Variants in C9orf40 observed in about 807,000 individuals in gnomAD.
C9orf40 encodes the protein uncharacterized protein C9orf40.
Under a neutral mutation model 7.9 loss-of-function variants are expected in C9orf40, and 2 were observed. The observed-to-expected ratio is 0.25, with a 90% CI of 0.10 to 0.80. C9orf40 has a LOEUF of 0.80. Among genes scored for constraint, C9orf40 ranks in the 30% least tolerant of loss-of-function variants. The pLI, the probability that C9orf40 is intolerant of heterozygous loss-of-function variation, is 0.68. For synonymous variants in C9orf40, 113 were observed against 117.6 expected (o/e 0.96, Z 0.25); for missense variants, 256 against 268.5 (o/e 0.95, Z 0.33).
At position 74,952,168 on chromosome 9, in the gene C9orf40, C is replaced by T; in HGVS notation, c.426+18G>A. 2 of 432,868 alleles carry T rather than the reference C, an allele frequency of 4.6e-6. No homozygotes were observed. Among genetic ancestry groups the T allele is most frequent in the Non-Finnish European group, 3.7e-6 (1 of 271,396 alleles). The allele number at this position is 432,868 out of a possible 1,614,324, so 26.8% of individuals were successfully genotyped here. ...GCAAGCCCCTTCGCCCCTCAGCCCA[C>T]CCGCCCCCAGCCCCTACCTGGCGCG... On this transcript the variant is annotated intron_variant, in intron 1 of 1. Coordinates refer to ENST00000376854, the MANE Select transcript of C9orf40 (RefSeq NM_017998.3). This position sits in a 1 kb window ranked among gnomAD's most constrained non-coding sequence, Gnocchi z 5.4.
Position 74,952,163 on chromosome 9 carries a change from G to GGCCCCCCCCCCCCCCCCCCCAA in C9orf40, c.426+22_426+23insTTGGGGGGGGGGGGGGGGGGGC. 1.1e-5 allele frequency: 4 copies of GGCCCCCCCCCCCCCCCCCCCAA among 351,746 alleles called. No individual in the cohort carries two copies. Among genetic ancestry groups the GGCCCCCCCCCCCCCCCCCCCAA allele is most frequent in the Non-Finnish European group, 9.4e-6 (2 of 211,700 alleles). 21.8% of individuals were successfully genotyped at this position (351,746 alleles called of 1,614,324 possible). A position where few individuals can be genotyped will look rare whatever the true frequency, so the allele number is the denominator to read the frequency against. On this transcript the variant is annotated intron_variant, in intron 1 of 1. Transcript: ENST00000376854. This position sits in a 1 kb window ranked among gnomAD's most constrained non-coding sequence, Gnocchi z 5.4. ...AAAAGGCAAGCCCCTTCGCCCCTCA[G>GGCCCCCCCCCCCCCCCCCCCAA]CCCACCCGCCCCCAGCCCCTACCTG...
At position 74,952,121 on chromosome 9, in the gene C9orf40, G is replaced by T; in HGVS notation, c.426+65C>A. 1.7e-6 allele frequency: 1 copy of T among 589,288 alleles called. No individual in the cohort carries two copies. Among genetic ancestry groups the T allele is most frequent in the Non-Finnish European group, 2.5e-6 (1 of 393,112 alleles). The allele number at this position is 589,288 out of a possible 1,614,324, so 36.5% of individuals were successfully genotyped here. ...ACAAGTCATGAGTGGGAACCGGGGC[G>T]TTTTGTGTGTGTGGGGAAAAGGCAA... is the stretch of plus-strand genomic sequence containing the variant. On this transcript the variant is annotated intron_variant, in intron 1 of 1. Coordinates refer to ENST00000376854, the MANE Select transcript of C9orf40 (RefSeq NM_017998.3). The surrounding 1 kb of genome is among the most constrained non-coding windows in gnomAD (Gnocchi z 5.4).
In C9orf40 at chr9:74,952,637, G is replaced by A. The variant is rs749005693; in HGVS notation, c.-26C>T. The A allele has an allele frequency of 3.2e-5, 49 of 1,521,438 alleles. No homozygotes were observed. The African/African-American group carries it at 6.3e-4, about 20-fold the overall frequency. The allele number at this position is 1,521,438 out of a possible 1,614,324, so 94.2% of individuals were successfully genotyped here. On this transcript the variant is annotated 5_prime_UTR_variant, in exon 1 of 2. Transcript: ENST00000376854. The surrounding 1 kb of genome is among the most constrained non-coding windows in gnomAD (Gnocchi z 5.4). ...GGGCCCAGAGGCTCGGGCGGAGCCC[G>A]CCAGGCGCGGGAGACCGAGTGCCGA...
rs760117382 is a variant in C9orf40, at chr9:74,952,908, ACT to A, written c.-299_-298del. ...ACCTGCGCACAACGTGCGCGCGCGC[ACT>A]CTGTCTGGCCAGGCGGAGCCGCTGG... On this transcript the variant is annotated 5_prime_UTR_variant, in exon 1 of 2. Coordinates refer to ENST00000376854, the MANE Select transcript of C9orf40 (RefSeq NM_017998.3). The surrounding 1 kb of genome is among the most constrained non-coding windows in gnomAD (Gnocchi z 5.4). The A allele has an allele frequency of 2.7e-6, 1 of 372,694 alleles. No individual in the cohort carries two copies. Among genetic ancestry groups the A allele is most frequent in the East Asian group, 4.3e-5 (1 of 23,220 alleles). The allele number at this position is 372,694 out of a possible 1,614,324, so 23.1% of individuals were successfully genotyped here. A position where few individuals can be genotyped will look rare whatever the true frequency, so the allele number is the denominator to read the frequency against.
chr9:74,952,387 G>C lies in C9orf40; in HGVS notation c.225C>G (p.Asp75Glu). ...CGCTCGGGGCGCTGTTGTCCCCGCT[G>C]TCACGGCGCTTGCTGGGCGAAGCCG... is the stretch of plus-strand genomic sequence containing the variant. Reference protein sequence around the residue: ...EPSASPSKRRDSGDNSAPSGQ... With the variant: ...EPSASPSKRRESGDNSAPSGQ... Residue 75 changes from aspartate to glutamate, a missense_variant, in exon 1 of 2, where the codon GAC becomes GAG. Asp to Glu is a conservative substitution (Grantham distance 45, BLOSUM62 2). Transcript: ENST00000376854. The surrounding 1 kb of genome is among the most constrained non-coding windows in gnomAD (Gnocchi z 5.4). 1 of 1,576,438 alleles carries C rather than the reference G, an allele frequency of 6.3e-7. No individual in the cohort carries two copies. The highest frequency in any genetic ancestry group is 8.6e-7 in the Non-Finnish European group (1 of 1,169,234).
intron 1 of C9orf40, 31 bp from the exon 2 acceptor site, chr9:74,948,237 T>C (rs148341524): frequency 1.3e-6 from 2 of 1,511,046 alleles, no homozygotes; most frequent in South Asian, 1.3e-5. Flanking sequence ...TCAAAGAGCA[T>C]CAATAGCTTA....
At chr9:74,950,122 T>TA (rs1446809533) in intron 1 of C9orf40, among the ~76,000 whole-genome samples, 1 of 152,116 alleles carries the variant, frequency 6.6e-6, no homozygotes, top group Non-Finnish European at 1.5e-5. Flanking sequence ...GACCCTTTTT[T>TA]AAAAAACAAC....
Position 74,948,325 on chromosome 9 carries a change from G to A in C9orf40, c.427-119C>T, listed in dbSNP as rs189321561. On this transcript the variant is annotated intron_variant, in intron 1 of 1. Transcript: ENST00000376854. ...ATAAGATTTTGTAATCTTCTATTTTGTATTTTTAACAAATATACATTTTAA... is the reference window on the plus strand; with the variant it reads ...ATAAGATTTTGTAATCTTCTATTTTATATTTTTAACAAATATACATTTTAA... 5.4e-4 allele frequency: 329 copies of A among 604,044 alleles called. 3 individuals carry two copies. The East Asian group carries it at 9.1e-3, about 17-fold the overall frequency. The allele number at this position is 604,044 out of a possible 1,614,324, so 37.4% of individuals were successfully genotyped here.
intron 1 of C9orf40, among the ~76,000 whole-genome samples, chr9:74,949,200 ACT>A (rs967335157): frequency 5.3e-5 from 8 of 152,186 alleles, no homozygotes; most frequent in Admixed American, 2.0e-4. Flanking sequence ...ATCATTAATC[ACT>A]GTCTCCTTAG....
At chr9:74,950,962 G>A (rs2118679614) in intron 1 of C9orf40, among the ~76,000 whole-genome samples, 2 of 152,120 alleles carry the variant, frequency 1.3e-5, no homozygotes, top group East Asian at 3.9e-4. Context: ...AGAAACTTCT[G>A]GTATTAATTT....
rs918033784 is a variant in C9orf40 at position 74,947,338 on chromosome 9, A to C, written c.*710T>G. On this transcript the variant is annotated 3_prime_UTR_variant, in exon 2 of 2. Coordinates refer to ENST00000376854, the MANE Select transcript of C9orf40 (RefSeq NM_017998.3). ...AAACCATGCCTCGAAGCAATTCAAA[A>C]CCAAGAAGCTGATTATACAATAAAT... is the stretch of plus-strand genomic sequence containing the variant. 1 of 152,642 alleles carries C rather than the reference A, an allele frequency of 6.6e-6. No homozygotes were observed. The highest frequency in any genetic ancestry group is 2.4e-5 in the African/African-American group (1 of 41,438). The allele number at this position is 152,642 out of a possible 1,614,324, so 9.5% of individuals were successfully genotyped here.
At position 74,952,870 on chromosome 9, in the gene C9orf40, G is replaced by T. The variant is rs146530278; in HGVS notation, c.-259C>A. ...GGACGTTGAGAAGCAACCGCGAAGC[G>T]GCGGAGATTCGAACCTGCGCACAAC... On this transcript the variant is annotated 5_prime_UTR_variant, in exon 1 of 2. Transcript: ENST00000376854. This position sits in a 1 kb window ranked among gnomAD's most constrained non-coding sequence, Gnocchi z 5.4. 3.7e-3 allele frequency: 1,708 copies of T among 463,412 alleles called. 17 individuals carry two copies. Among genetic ancestry groups the T allele is most frequent in the African/African-American group, 0.03 (1,467 of 48,800 alleles). 28.7% of individuals were successfully genotyped at this position (463,412 alleles called of 1,614,324 possible). A position where few individuals can be genotyped will look rare whatever the true frequency, so the allele number is the denominator to read the frequency against.
In C9orf40 at chr9:74,952,379, T is replaced by TC; in HGVS notation, c.232dup (p.Asp78GlyfsTer11). 6.4e-7 allele frequency: 1 copy of TC among 1,571,298 alleles called. No homozygotes were observed. Among genetic ancestry groups the TC allele is most frequent in the Non-Finnish European group, 8.6e-7 (1 of 1,167,078 alleles). ...CTCCTGGCCGCTCGGGGCGCTGTTG[T>TC]CCCCGCTGTCACGGCGCTTGCTGGG... On this transcript the variant is annotated frameshift_variant, in exon 1 of 2. Coordinates refer to ENST00000376854, the MANE Select transcript of C9orf40 (RefSeq NM_017998.3). LOFTEE classifies it high-confidence loss of function. This position sits in a 1 kb window ranked among gnomAD's most constrained non-coding sequence, Gnocchi z 5.4.
Position 74,952,556 on chromosome 9 carries a change from A to T in C9orf40, c.56T>A (p.Leu19His). 6.3e-7 allele frequency: 1 copy of T among 1,587,822 alleles called. No homozygotes were observed. Among genetic ancestry groups the T allele is most frequent in the Non-Finnish European group, 8.5e-7 (1 of 1,176,128 alleles). The change falls in exon 1 of 2, where the codon CTC becomes CAC. Residue 19 changes from leucine (L) to histidine (H), a missense_variant. Transcript: ENST00000376854. This position sits in a 1 kb window ranked among gnomAD's most constrained non-coding sequence, Gnocchi z 5.4. Reference protein sequence around the residue: ...PVTFHVPWKRLLLCDFAEQPP... With the variant: ...PVTFHVPWKRHLLCDFAEQPP... ...CTGCTCAGCGAAGTCGCAAAGCAGG[A>T]GCCGCTTCCAAGGCACGTGGAACGT...
intron 1 of C9orf40, among the ~76,000 whole-genome samples, chr9:74,951,129 C>G (rs1472608572): frequency 6.6e-6 from 1 of 152,006 alleles, no homozygotes; most frequent in African/African-American, 2.4e-5. Flanking sequence ...GTGTTCTTAC[C>G]GGCTAGCGGC....
chr9:74,952,439 AT>A lies in C9orf40; in HGVS notation c.172del (p.Ile58SerfsTer114). On this transcript the variant is annotated frameshift_variant, in exon 1 of 2. Transcript: ENST00000376854. LOFTEE classifies it high-confidence loss of function. This position sits in a 1 kb window ranked among gnomAD's most constrained non-coding sequence, Gnocchi z 5.4. The part of the protein sequence containing the change: ...GVPEQHRKRK[I>X]DAGTMAEPSA... ...GGGCTCTGCCATGGTCCCTGCGTCG[AT>A]TTTGCGCTTTCGGTGCTGCTCTGGG... 3 of 1,600,500 alleles carry A rather than the reference AT, an allele frequency of 1.9e-6. No homozygotes were observed.
chr9:74,948,223 G>A lies in C9orf40; in HGVS notation c.427-17C>T, dbSNP rs963442179. On this transcript the variant is annotated splice_polypyrimidine_tract_variant and intron_variant, in intron 1 of 1. Coordinates refer to ENST00000376854, the MANE Select transcript of C9orf40 (RefSeq NM_017998.3). ...TTCATTGTGCTTTAGAGAAAAAAGAGAGATCAAAGAGCATCAATAGCTTAG... is the reference window on the plus strand; with the variant it reads ...TTCATTGTGCTTTAGAGAAAAAAGAAAGATCAAAGAGCATCAATAGCTTAG... The A allele has an allele frequency of 1.3e-6, 2 of 1,567,934 alleles. No individual in the cohort carries two copies. The highest frequency in any genetic ancestry group is 2.7e-5 in the African/African-American group (2 of 73,152).
intron 1 of C9orf40, among the ~76,000 whole-genome samples, chr9:74,949,526 C>T (rs1832275594): frequency 6.6e-6 from 1 of 152,118 alleles, no homozygotes; most frequent in African/African-American, 2.4e-5. Context: ...CCTGAAGTTC[C>T]GGGACAGAAA....
intron 1 of C9orf40, among the ~76,000 whole-genome samples, chr9:74,950,547 G>A (rs1408160238): frequency 6.7e-6 from 1 of 149,536 alleles, no homozygotes; most frequent in Non-Finnish European, 1.5e-5. Flanking sequence ...ATATCTGAGA[G>A]CAATCTGAAG....
Sources: gnomAD v4.1 joint callset for allele counts (sites outside exome capture counted in the v4.1 genomes callset) on GRCh38, gnomAD v4.1.1 for gene constraint, Gnocchi (gnomAD v3.1) non-coding constraint, MANE v1.5 for transcripts, NCBI Gene and HGNC (gene_info 2026-07-23, HGNC 2026-07-21) for gene names.